Variants in FLI1 observed in about 807,000 individuals in gnomAD.
FLI1 encodes the protein Fli-1 proto-oncogene, ETS transcription factor, also known as Friend leukemia integration 1 transcription factor.
Under a neutral mutation model 53.1 loss-of-function variants are expected in FLI1, and 13 were observed. That is an observed-to-expected ratio of 0.24 (90% CI 0.16 to 0.39). FLI1 has a LOEUF of 0.39. Ranked by LOEUF, FLI1 falls within the 10% of genes least tolerant of loss-of-function variation. The pLI is 1.00. For missense variants in FLI1, 424 were observed against 600.5 expected (o/e 0.71, Z 3.07); for synonymous variants, 244 against 236.7 (o/e 1.03, Z -0.28).
At chr11:128,790,024 A>C (rs1942220376) in intron 5 of FLI1, among the ~76,000 whole-genome samples, 1 of 151,292 alleles carries the variant, frequency 6.6e-6, no homozygotes. Context: ...ATTCTTAGCA[A>C]AAGCAGGGAT....
At chr11:128,791,318 G>C (rs893010782) in intron 5 of FLI1, among the ~76,000 whole-genome samples, 4 of 151,976 alleles carry the variant, frequency 2.6e-5, no homozygotes, top group Admixed American at 2.6e-4. Context: ...TTCTTCCTTT[G>C]CCGGGTATAC....
intron 1 of FLI1, among the ~76,000 whole-genome samples, chr11:128,697,306 A>G (rs931614126): frequency 2.6e-5 from 4 of 152,210 alleles, no homozygotes; most frequent in Admixed American, 6.5e-5. Flanking sequence ...GGAGACAGAG[A>G]AGACAGACAT....
At chr11:128,806,538 G>A (rs1942788663) in intron 6 of FLI1, 1 of 152,250 alleles carries the variant, frequency 6.6e-6, no homozygotes, top group South Asian at 2.1e-4. Flanking sequence ...ATATGCCTTA[G>A]TTCTTTAGGC....
chr11:128,695,942 G>A (rs566601214), intron 1 of FLI1: 4 of 152,312 alleles, frequency 2.6e-5, no homozygotes, highest in African/African-American at 9.6e-5. Context: ...CCAGAAGGGT[G>A]GTAAGATGGC....
chr11:128,760,315 C>T (rs962708060), intron 2 of FLI1, among the ~76,000 whole-genome samples: 2 of 152,130 alleles, frequency 1.3e-5, no homozygotes, highest in Non-Finnish European at 2.9e-5. Flanking sequence ...AGCCCGAACC[C>T]AGGCGTTTGG....
intron 5 of FLI1, among the ~76,000 whole-genome samples, chr11:128,783,626 T>C (rs1312252981): frequency 6.6e-6 from 1 of 152,238 alleles, no homozygotes; most frequent in Non-Finnish European, 1.5e-5. Flanking sequence ...AAATACATTT[T>C]AGTGGCAAAC....
chr11:128,784,404 G>A (rs1017086481), intron 5 of FLI1, among the ~76,000 whole-genome samples: 1 of 152,126 alleles, frequency 6.6e-6, no homozygotes, highest in African/African-American at 2.4e-5. Context: ...CCCTCTTGCT[G>A]GGTAGCAACC....
chr11:128,783,675 G>A (rs912624471), intron 5 of FLI1, among the ~76,000 whole-genome samples: 1 of 152,178 alleles, frequency 6.6e-6, no homozygotes, highest in Non-Finnish European at 1.5e-5. Flanking sequence ...GGCTTCCTGT[G>A]AGAAAACCAC....
At chr11:128,707,757 GA>G (rs1938612593) in intron 1 of FLI1, among the ~76,000 whole-genome samples, 1 of 152,136 alleles carries the variant, frequency 6.6e-6, no homozygotes, top group South Asian at 2.1e-4. Context: ...TATCAGTTTG[GA>G]CAGGGTATGA....
intron 5 of FLI1, among the ~76,000 whole-genome samples, chr11:128,784,795 T>C (rs1942035389): frequency 6.6e-6 from 1 of 152,218 alleles, no homozygotes; most frequent in Non-Finnish European, 1.5e-5. Flanking sequence ...CTTGGCTCCA[T>C]CTTCTTTGAA....
chr11:128,782,929 C>G (rs1941965813), intron 5 of FLI1, among the ~76,000 whole-genome samples: 1 of 152,064 alleles, frequency 6.6e-6, no homozygotes, highest in Non-Finnish European at 1.5e-5. Flanking sequence ...TTCATAGTAC[C>G]TGGTTTAAAG....
intron 7 of FLI1, among the ~76,000 whole-genome samples, chr11:128,808,247 T>G (rs1157656438): frequency 6.6e-6 from 1 of 152,216 alleles, no homozygotes; most frequent in African/African-American, 2.4e-5. Context: ...GAAGGTAATT[T>G]ATGGTTCTAA....
rs146813907 is a variant in FLI1, at chr11:128,788,063, G to A, written c.655+6040G>A. ...CTGACCTCATGATCTGCCCGCCTCG[G>A]CCTCCTAATTACAGTATCCCGCTAA... On this transcript the variant is annotated intron_variant, in intron 5 of 8. Coordinates refer to ENST00000527786, the MANE Select transcript of FLI1 (RefSeq NM_002017.5). Among the ~76,000 whole-genome samples the A allele has an allele frequency of 1.5e-3, 226 of 152,006 alleles. 2 individuals are homozygous for A. Among genetic ancestry groups the A allele is most frequent in the African/African-American group, 4.7e-3 (194 of 41,468 alleles).
Position 128,811,205 on chromosome 11 carries a change from G to A in FLI1, c.*217G>A, listed in dbSNP as rs1942928867. ...AACAAAGAGATGAATAATTCCATGG[G>A]CCAGTATGCCAGTTTGAATTCTCAG... is the stretch of plus-strand genomic sequence containing the variant. On this transcript the variant is annotated 3_prime_UTR_variant, in exon 9 of 9. Coordinates refer to ENST00000527786, the MANE Select transcript of FLI1 (RefSeq NM_002017.5). 1 of 566,996 alleles carries A rather than the reference G, an allele frequency of 1.8e-6. No individual in the cohort carries two copies. The highest frequency in any genetic ancestry group is 3.1e-6 in the Non-Finnish European group (1 of 322,316). The allele number at this position is 566,996 out of a possible 1,614,324, so 35.1% of individuals were successfully genotyped here. A position where few individuals can be genotyped will look rare whatever the true frequency, so the allele number is the denominator to read the frequency against.
intron 3 of FLI1, among the ~76,000 whole-genome samples, chr11:128,771,965 G>T (rs1941574915): frequency 6.6e-6 from 1 of 151,840 alleles, no homozygotes; most frequent in Non-Finnish European, 1.5e-5. Context: ...AGTGATAAAA[G>T]AGTTCTGCCT....
At position 128,772,911 on chromosome 11, in the gene FLI1, A is replaced by G. The variant is rs1484253669; in HGVS notation, c.515A>G (p.Lys172Arg). 1 of 1,614,060 alleles carries G rather than the reference A, an allele frequency of 6.2e-7. No individual in the cohort carries two copies. Among genetic ancestry groups the G allele is most frequent in the East Asian group, 2.2e-5 (1 of 44,890 alleles). The change falls in exon 4 of 9, where the codon AAG becomes AGG. Residue 172 changes from lysine (K) to arginine (R), a missense_variant. By Grantham distance (26) the Lys-to-Arg change is conservative (BLOSUM62 2). Around this residue, in one of 5 missense-constraint regions of FLI1, gnomAD observed 114 missense variants for 117.9 expected, o/e 0.97. Transcript: ENST00000527786. ...MDGKELCKMN[K>R]EDFLRATTLY... is the part of the protein sequence containing the mutation. Reference sequence around the variant, plus strand: ...GGCAAGGAACTGTGTAAAATGAACAAGGAGGACTTCCTCCGCGCCACCACC... The same window carrying G: ...GGCAAGGAACTGTGTAAAATGAACAGGGAGGACTTCCTCCGCGCCACCACC...
chr11:128,769,747 A>C (rs1941484250), intron 3 of FLI1, among the ~76,000 whole-genome samples: 1 of 152,232 alleles, frequency 6.6e-6, no homozygotes, highest in Non-Finnish European at 1.5e-5. Flanking sequence ...CCATTTATTG[A>C]GTGCTTTCTA....
chr11:128,701,849 A>G (rs1037308632), intron 1 of FLI1, among the ~76,000 whole-genome samples: 1 of 152,196 alleles, frequency 6.6e-6, no homozygotes, highest in African/African-American at 2.4e-5. Flanking sequence ...TTTAACCTCG[A>G]ATTTCTAGAC....
At chr11:128,717,296 G>A (rs1939056380) in intron 1 of FLI1, among the ~76,000 whole-genome samples, 1 of 152,160 alleles carries the variant, frequency 6.6e-6, no homozygotes, top group Non-Finnish European at 1.5e-5. Flanking sequence ...AAGGAGAGAG[G>A]AGATTCCCAG....
Sources: gnomAD v4.1 joint callset for allele counts (sites outside exome capture counted in the v4.1 genomes callset) on GRCh38, gnomAD v4.1.1 for gene constraint, gnomAD v4.1.1 regional missense constraint, MANE v1.5 for transcripts, NCBI Gene and HGNC (gene_info 2026-07-23, HGNC 2026-07-21) for gene names.